TENM2: variants seen among roughly 807,000 people sequenced by gnomAD.
TENM2 encodes the protein teneurin-2.
TENM2 carries 52 observed loss-of-function variants against 245.2 expected under a neutral mutation model. That is an observed-to-expected ratio of 0.21 (90% CI 0.17 to 0.27). TENM2 has a LOEUF of 0.27. Ranked by LOEUF, TENM2 falls within the 10% of genes least tolerant of loss-of-function variation. The pLI, the probability that TENM2 is intolerant of heterozygous loss-of-function variation, is 1.00. For synonymous variants in TENM2, 1,363 were observed against 1,438.9 expected (o/e 0.95, Z 1.19); for missense variants, 3,046 against 3,666.8 (o/e 0.83, Z 4.37).
chr5:167,481,854 G>A (rs948689874), intron 2 of TENM2, among the ~76,000 whole-genome samples: 2 of 152,124 alleles, frequency 1.3e-5, no homozygotes, highest in Non-Finnish European at 2.9e-5. Flanking sequence ...TTTGAATTTC[G>A]CCAAAAACTG....
the TENM2 span, among the ~76,000 whole-genome samples, chr5:167,008,364 G>C: frequency 1.1e-4 from 17 of 152,152 alleles, no homozygotes; most frequent in Non-Finnish European, 8.8e-5. Context: ...GATCTAAAAA[G>C]GGGGCAGCAG....
the TENM2 span, among the ~76,000 whole-genome samples, chr5:167,227,669 C>G: frequency 6.6e-6 from 1 of 152,162 alleles, no homozygotes; most frequent in South Asian, 2.1e-4. Context: ...AAAGGCTTTT[C>G]TCTTACTGTT....
At chr5:168,116,496 G>T (rs1795091596) in intron 9 of TENM2, among the ~76,000 whole-genome samples, 1 of 152,040 alleles carries the variant, frequency 6.6e-6, no homozygotes, top group African/African-American at 2.4e-5. Flanking sequence ...TTCACTCCAG[G>T]GACTGTTCTT....
chr5:167,321,825 TGGA>T (rs1756764546), intron 1 of TENM2, among the ~76,000 whole-genome samples: 2 of 13,182 alleles, frequency 1.5e-4, no homozygotes, highest in East Asian at 2.8e-3. Context: ...GGGGGGGGGG[TGGA>T]TGGAGTCACT....
chr5:167,320,125 AAAATC>A (rs1428063487), intron 1 of TENM2, among the ~76,000 whole-genome samples: 2 of 152,238 alleles, frequency 1.3e-5, no homozygotes, highest in Non-Finnish European at 2.9e-5. Context: ...ATGAAAAACA[AAAATC>A]AAATAAGAAA....
chr5:167,648,632 C>G (rs1359273497), intron 2 of TENM2, among the ~76,000 whole-genome samples: 2 of 152,174 alleles, frequency 1.3e-5, no homozygotes, highest in Admixed American at 1.3e-4. Flanking sequence ...AGAAGCGATG[C>G]GACTGTTCTC....
chr5:167,749,577 G>A (rs769450473), intron 2 of TENM2, among the ~76,000 whole-genome samples: 3 of 151,794 alleles, frequency 2.0e-5, no homozygotes, highest in African/African-American at 7.3e-5. Context: ...GGCAGAGGTT[G>A]CAGTGAGCCA....
intron 7 of TENM2, among the ~76,000 whole-genome samples, chr5:168,082,802 C>A (rs1581248152): frequency 1.3e-5 from 2 of 152,306 alleles, no homozygotes; most frequent in South Asian, 4.1e-4. Flanking sequence ...CTGCCTGATC[C>A]TTCCTCTGGA....
chr5:167,184,377 C>T, the TENM2 span, among the ~76,000 whole-genome samples: 1 of 152,182 alleles, frequency 6.6e-6, no homozygotes, highest in South Asian at 2.1e-4. Flanking sequence ...GACCTTATAC[C>T]AAGTTAGGAA....
chr5:167,315,420 T>C (rs533609998), intron 1 of TENM2, among the ~76,000 whole-genome samples: 4 of 152,210 alleles, frequency 2.6e-5, no homozygotes, highest in Non-Finnish European at 5.9e-5. Context: ...TATTTTATTC[T>C]TTGACAAGTG....
At chr5:167,126,903 A>G in the TENM2 span, among the ~76,000 whole-genome samples, 2 of 152,026 alleles carry the variant, frequency 1.3e-5, no homozygotes, top group African/African-American at 2.4e-5. Context: ...TGGTATTAAT[A>G]TTTCCACTTA....
At chr5:167,104,506 T>C in the TENM2 span, among the ~76,000 whole-genome samples, 1 of 152,208 alleles carries the variant, frequency 6.6e-6, no homozygotes, top group Non-Finnish European at 1.5e-5. Flanking sequence ...TAAACAGATA[T>C]ACAAATAGGT....
exon 5 of TENM2, chr5:167,993,045 G>C: frequency 6.2e-7 from 1 of 1,613,932 alleles, no homozygotes; most frequent in South Asian, 1.1e-5. Context: ...CCCCCGCCCC[G>C]CCTGCTGCCC....
chr5:168,165,567 A>AAGTG (rs1214301886), intron 13 of TENM2, among the ~76,000 whole-genome samples: 1 of 144,750 alleles, frequency 6.9e-6, no homozygotes, highest in Non-Finnish European at 1.5e-5. Context: ...CAAAATCCTG[A>AAGTG]AGTGATGGAG....
At chr5:167,245,053 C>T in the TENM2 span, among the ~76,000 whole-genome samples, 1 of 152,206 alleles carries the variant, frequency 6.6e-6, no homozygotes, top group Admixed American at 6.5e-5. Flanking sequence ...GGTTCTATTC[C>T]GGTGTCTAAT....
At chr5:167,888,529 CAGT>C (rs1196742463) in intron 3 of TENM2, among the ~76,000 whole-genome samples, 2 of 152,124 alleles carry the variant, frequency 1.3e-5, no homozygotes, top group Admixed American at 1.3e-4. Flanking sequence ...CCTCTATCTG[CAGT>C]AGGAGAGACA....
rs151006317 is a variant in TENM2, at chr5:167,981,849, C to T, written c.948-11095C>T. ...ATTAGGCAGGCGTGGTGGCGTGCAC[C>T]TGTAATCCCAGCTACTAGGGAGGCT... On this transcript the variant is annotated intron_variant, in intron 4 of 28. Transcript: ENST00000518659. Among the ~76,000 whole-genome samples the T allele has an allele frequency of 2.2e-4, 34 of 152,130 alleles. 1 individual carries two copies. The East Asian group carries it at 6.0e-3, about 27-fold the overall frequency.
chr5:167,086,583 G>A, the TENM2 span, among the ~76,000 whole-genome samples: 2 of 152,028 alleles, frequency 1.3e-5, no homozygotes, highest in African/African-American at 4.8e-5. Context: ...GCACCTGTTT[G>A]TTTATTTTTT....
intron 3 of TENM2, among the ~76,000 whole-genome samples, chr5:167,948,383 A>G (rs2151817328): frequency 6.6e-6 from 1 of 152,384 alleles, no homozygotes; most frequent in African/African-American, 2.4e-5. Flanking sequence ...GCGCAGAAGC[A>G]CAGACCATTC....
Sources: allele counts gnomAD v4.1 joint callset (sites outside exome capture counted in the v4.1 genomes callset), GRCh38; gene constraint gnomAD v4.1.1; transcripts MANE v1.5; gene names NCBI Gene and HGNC (gene_info 2026-07-23, HGNC 2026-07-21).